The following SH3RF3 variants were observed in gnomAD, a reference collection of about 807,000 sequenced individuals.
SH3RF3 encodes E3 ubiquitin-protein ligase SH3RF3.
In SH3RF3, 29 loss-of-function variants were observed where a neutral mutation model predicts 66.3. That is an observed-to-expected ratio of 0.44 (90% CI 0.33 to 0.60). SH3RF3 has a LOEUF of 0.60. Ranked by LOEUF, SH3RF3 falls within the 20% of genes least tolerant of loss-of-function variation. The pLI, the probability that SH3RF3 is intolerant of heterozygous loss-of-function variation, is 0.04. For synonymous variants in SH3RF3, 583 were observed against 532.0 expected, an observed-to-expected ratio of 1.10 and a Z score of -1.32; for missense variants, 1,194 against 1,190.9, an observed-to-expected ratio of 1.00 and a Z score of -0.04.
At chr2:109,316,918 C>T (rs1260668195) in intron 1 of SH3RF3, among the ~76,000 whole-genome samples, 2 of 152,210 alleles carry the variant, frequency 1.3e-5, no homozygotes, top group African/African-American at 2.4e-5. Flanking sequence ...CCTTTTCAGA[C>T]TGGCTTCTCT....
intron 4 of SH3RF3, among the ~76,000 whole-genome samples, chr2:109,417,328 G>A (rs1676752554): frequency 6.6e-6 from 1 of 152,124 alleles, no homozygotes; most frequent in African/African-American, 2.4e-5. Flanking sequence ...CCGGCTCTGG[G>A]GAGTTCTCTA....
chr2:109,499,423 G>A (rs760683658), intron 9 of SH3RF3, among the ~76,000 whole-genome samples: 4 of 152,194 alleles, frequency 2.6e-5, no homozygotes, highest in East Asian at 3.9e-4. Flanking sequence ...TTAGATGTGC[G>A]GTCCAACACC....
intron 1 of SH3RF3, among the ~76,000 whole-genome samples, chr2:109,267,511 T>C (rs1680523939): frequency 6.6e-6 from 1 of 152,178 alleles, no homozygotes; most frequent in South Asian, 2.1e-4. Flanking sequence ...AAAGTCTTTG[T>C]GCTTGCTTCT....
At position 109,484,063 on chromosome 2, in the gene SH3RF3, C is replaced by CTTT. The variant is rs1559107868; in HGVS notation, c.2149-6541_2149-6539dup. On this transcript the variant is annotated intron_variant, in intron 8 of 9. Coordinates refer to ENST00000309415, the MANE Select transcript of SH3RF3 (RefSeq NM_001099289.3). ...GCACCAAGGTGTGCCATCCTCTGGC[C>CTTT]TTTCTTTTTTTTTTTTTTTTTTGAG... Among the ~76,000 whole-genome samples, 2 of 139,482 alleles carry CTTT rather than the reference C, an allele frequency of 1.4e-5. 1 individual carries two copies. 91.5% of individuals were successfully genotyped at this position (139,482 alleles called of 152,430 possible). A position where few individuals can be genotyped will look rare whatever the true frequency, so the allele number is the denominator to read the frequency against.
intron 1 of SH3RF3, among the ~76,000 whole-genome samples, chr2:109,237,340 C>G (rs1679672768): frequency 6.6e-6 from 1 of 151,742 alleles, no homozygotes; most frequent in African/African-American, 2.4e-5. Context: ...CAAAGAGGTA[C>G]ACATTGAAAA....
intron 9 of SH3RF3, among the ~76,000 whole-genome samples, chr2:109,500,955 A>C (rs905413238): frequency 1.3e-5 from 2 of 152,196 alleles, no homozygotes; most frequent in South Asian, 4.1e-4. Flanking sequence ...GTCTCAAAAA[A>C]ATAAGGACAA....
intron 7 of SH3RF3, among the ~76,000 whole-genome samples, chr2:109,439,060 G>A (rs1385905905): frequency 1.3e-5 from 2 of 152,116 alleles, no homozygotes; most frequent in African/African-American, 4.8e-5. Context: ...ACCAAGCCTT[G>A]CTAGAAACGT....
chr2:109,135,901 C>CT (rs1676804781), intron 1 of SH3RF3, among the ~76,000 whole-genome samples: 1 of 152,182 alleles, frequency 6.6e-6, no homozygotes, highest in Admixed American at 6.5e-5. Flanking sequence ...CCATAATCTG[C>CT]TTTAAAAAAA....
At chr2:109,153,473 A>T (rs1474800916) in intron 1 of SH3RF3, among the ~76,000 whole-genome samples, 1 of 152,222 alleles carries the variant, frequency 6.6e-6, no homozygotes, top group Non-Finnish European at 1.5e-5. Context: ...AGGACATGAA[A>T]TAACTGAAAC....
chr2:109,481,362 C>T (rs1014429629), intron 8 of SH3RF3, among the ~76,000 whole-genome samples: 2 of 152,096 alleles, frequency 1.3e-5, no homozygotes, highest in African/African-American at 4.8e-5. Context: ...TACGGAAAAA[C>T]AAGTTTATTG....
chr2:109,403,830 C>T (rs897991969), intron 4 of SH3RF3, among the ~76,000 whole-genome samples: 1 of 152,210 alleles, frequency 6.6e-6, no homozygotes, highest in Admixed American at 6.5e-5. Flanking sequence ...AGCTGCCTGA[C>T]CTCTTCCCAA....
At chr2:109,425,566 G>T (rs1179348499) in intron 5 of SH3RF3, among the ~76,000 whole-genome samples, 1 of 152,174 alleles carries the variant, frequency 6.6e-6, no homozygotes, top group Non-Finnish European at 1.5e-5. Context: ...GAACCCTAGG[G>T]CTCTTAAGAA....
rs753214994 is a variant in SH3RF3, at chr2:109,449,145, G to A, written c.1829-25G>A. On this transcript the variant is annotated intron_variant, in intron 7 of 9. Coordinates refer to ENST00000309415, the MANE Select transcript of SH3RF3 (RefSeq NM_001099289.3). ...AAGTTGCAAACTAACCTTTCAACCTGCTGTCTCTCCAACCCCGTCTCCAGC... is the reference window on the plus strand; with the variant it reads ...AAGTTGCAAACTAACCTTTCAACCTACTGTCTCTCCAACCCCGTCTCCAGC... 6.8e-6 allele frequency: 11 copies of A among 1,607,106 alleles called. No homozygotes were observed. In the Admixed American group the frequency reaches 1.2e-4, roughly 17 times the overall value.
intron 1 of SH3RF3, among the ~76,000 whole-genome samples, chr2:109,216,642 C>T (rs1052263682): frequency 1.3e-5 from 2 of 152,234 alleles, no homozygotes; most frequent in African/African-American, 2.4e-5. Context: ...GGGTGCCCAC[C>T]CTGCATGCTC....
At chr2:109,449,095 A>G (rs919294723) in intron 7 of SH3RF3, 75 bp from the exon 8 acceptor site, 2 of 1,513,718 alleles carry the variant, frequency 1.3e-6, no homozygotes, top group Non-Finnish European at 1.8e-6. Flanking sequence ...CTGAGTGTGC[A>G]TTGCAGCTGC....
At chr2:109,249,851 A>AT (rs1175670970) in intron 1 of SH3RF3, among the ~76,000 whole-genome samples, 3 of 150,854 alleles carry the variant, frequency 2.0e-5, no homozygotes, top group East Asian at 1.9e-4. Flanking sequence ...TTATTTTTTA[A>AT]TTTTTTTATT....
chr2:109,421,279 C>A (rs560718515), intron 5 of SH3RF3, among the ~76,000 whole-genome samples: 1 of 152,290 alleles, frequency 6.6e-6, no homozygotes, highest in African/African-American at 2.4e-5. Flanking sequence ...AGGGCAAAGC[C>A]CAGATGTGTT....
At chr2:109,284,019 C>G (rs1310713696) in intron 1 of SH3RF3, among the ~76,000 whole-genome samples, 3 of 152,108 alleles carry the variant, frequency 2.0e-5, no homozygotes, top group Non-Finnish European at 4.4e-5. Context: ...GTAGGAAAGC[C>G]GAGGGGAGGG....
intron 8 of SH3RF3, among the ~76,000 whole-genome samples, chr2:109,458,241 A>G (rs1209471872): frequency 6.6e-6 from 1 of 152,174 alleles, no homozygotes; most frequent in Non-Finnish European, 1.5e-5. Flanking sequence ...TGTATATAGC[A>G]TGAGAATGAA....
Sources: gnomAD v4.1 joint callset for allele counts (sites outside exome capture counted in the v4.1 genomes callset) on GRCh38, gnomAD v4.1.1 for gene constraint, MANE v1.5 for transcripts, NCBI Gene and HGNC (gene_info 2026-07-23, HGNC 2026-07-21) for gene names.